ASH1L: variants seen among roughly 807,000 people sequenced by gnomAD.
ASH1L encodes the protein histone-lysine N-methyltransferase ASH1L.
A neutral mutation model predicts 269.0 loss-of-function variants in ASH1L; 23 were observed. The ratio of observed to expected loss-of-function variants is 0.09; its 90% CI spans 0.06 to 0.12. The LOEUF (loss-of-function observed/expected upper bound fraction) is 0.12, where lower values mean the gene tolerates loss of function less well. Among genes scored for constraint, ASH1L ranks in the 10% least tolerant of loss-of-function variants. ASH1L has a pLI of 1.00. For missense variants in ASH1L, 2,912 were observed against 3,567.8 expected, an observed-to-expected ratio of 0.82 and a Z score of 4.68; for synonymous variants, 1,187 against 1,253.5, an observed-to-expected ratio of 0.95 and a Z score of 1.12.
chr1:155,471,609 C>A (rs984644567), intron 3 of ASH1L, among the ~76,000 whole-genome samples: 2 of 152,214 alleles, frequency 1.3e-5, no homozygotes, highest in African/African-American at 2.4e-5. Context: ...GGTCTGTGGA[C>A]CCTTCTTGCA....
intron 5 of ASH1L, among the ~76,000 whole-genome samples, chr1:155,421,421 C>T (rs961423700): frequency 4.1e-5 from 6 of 145,402 alleles, no homozygotes; most frequent in African/African-American, 1.5e-4. Context: ...GCCTGTAATT[C>T]CAGCACTTTG....
chr1:155,481,918 T>C lies in ASH1L; in HGVS notation c.952A>G (p.Asn318Asp). ...CCTGGCTTTTTGCCTAAGTTTTTATTAATGAATACCGCTGTAGTGCCAGTT... is the reference window on the plus strand; with the variant it reads ...CCTGGCTTTTTGCCTAAGTTTTTATCAATGAATACCGCTGTAGTGCCAGTT... Reference protein sequence around the residue: ...LGTGTTAVFINKNLGKKPGTI... With the variant: ...LGTGTTAVFIDKNLGKKPGTI... The change falls in exon 3 of 28, where the codon AAT (asparagine) becomes GAT (aspartate). Residue 318 changes from asparagine to aspartate, a missense_variant. By Grantham distance (23) the Asn-to-Asp change is conservative (BLOSUM62 1). Around this residue, in one of 13 missense-constraint regions of ASH1L, gnomAD observed 277 missense variants for 367.7 expected, o/e 0.75. Transcript: ENST00000392403. The C allele has an allele frequency of 1.9e-6, 3 of 1,614,214 alleles. No homozygotes were observed. The highest frequency in any genetic ancestry group is 2.5e-6 in the Non-Finnish European group (3 of 1,180,038).
intron 6 of ASH1L, among the ~76,000 whole-genome samples, chr1:155,398,498 G>A (rs1039458961): frequency 5.9e-5 from 9 of 152,096 alleles, no homozygotes; most frequent in East Asian, 1.9e-4. Flanking sequence ...GTAAAAATAC[G>A]GTTGTAAAAG....
Position 155,478,824 on chromosome 1 carries a change from T to C in ASH1L, c.4046A>G (p.Lys1349Arg). 3 of 1,614,094 alleles carry C rather than the reference T, an allele frequency of 1.9e-6. No homozygotes were observed. The highest frequency in any genetic ancestry group is 2.5e-6 in the Non-Finnish European group (3 of 1,180,012). ...HYIRKPDLKK[K>R]RGRPPKMREA... ...CCTCATCTTAGGGGGTCTCCCTCTT[T>C]TCTTTTTTAAGTCAGGTTTTCGAAT... The change falls in exon 3 of 28, where the codon AAA (lysine) becomes AGA (arginine). Residue 1349 changes from lysine (K) to arginine (R), a missense_variant. Around this residue, in one of 13 missense-constraint regions of ASH1L, gnomAD observed 789 missense variants for 897.6 expected, o/e 0.88. Coordinates refer to ENST00000392403, the MANE Select transcript of ASH1L (RefSeq NM_018489.3). This position sits in a 1 kb window ranked among gnomAD's most constrained non-coding sequence, Gnocchi z 4.6.
intron 1 of ASH1L, among the ~76,000 whole-genome samples, chr1:155,529,921 G>A (rs946304751): frequency 1.3e-5 from 2 of 150,918 alleles, no homozygotes; most frequent in Non-Finnish European, 1.5e-5. Flanking sequence ...CCGAGATTGC[G>A]CCACTGCACT....
intron 2 of ASH1L, among the ~76,000 whole-genome samples, chr1:155,515,712 C>T (rs1228768339): frequency 1.3e-5 from 2 of 151,612 alleles, no homozygotes; most frequent in African/African-American, 4.9e-5. Flanking sequence ...CCTGTAATCC[C>T]AGCTACTCAG....
intron 4 of ASH1L, among the ~76,000 whole-genome samples, chr1:155,448,966 G>C (rs541826464): frequency 6.6e-6 from 1 of 150,670 alleles, no homozygotes; most frequent in African/African-American, 2.4e-5. Flanking sequence ...ACGGAGTCTC[G>C]CTTTGTTGCC....
Position 155,438,593 on chromosome 1 carries a change from C to A in ASH1L, c.5562G>T (p.Arg1854=). The A allele has an allele frequency of 6.2e-7, 1 of 1,614,154 alleles. No homozygotes were observed. The highest frequency in any genetic ancestry group is 8.5e-7 in the Non-Finnish European group (1 of 1,180,016). The change falls in exon 5 of 28, where the codon CGG becomes CGT. Residue 1854 remains arginine (R), a synonymous_variant. Coordinates refer to ENST00000392403, the MANE Select transcript of ASH1L (RefSeq NM_018489.3). The stretch of plus-strand genomic sequence containing the variant: ...ATACGACAGCCTGAAGGGGACATTT[C>A]CGAGGTCGACCTGGCCTACGTTTCA... The part of the protein sequence containing the change: ...NFVKRRPGRP[R]KCPLQAVVSM...
At chr1:155,498,755 T>A (rs535953752) in intron 2 of ASH1L, among the ~76,000 whole-genome samples, 17 of 152,056 alleles carry the variant, frequency 1.1e-4, no homozygotes, top group African/African-American at 4.1e-4. Flanking sequence ...GGCTAGTTTT[T>A]AAAAATGTTT....
chr1:155,348,055 G>T, intron 19 of ASH1L, 151 bp from the exon 20 acceptor site: 2 of 885,656 alleles, frequency 2.3e-6, no homozygotes, highest in Non-Finnish European at 3.4e-6. Flanking sequence ...CAGATAGTTG[G>T]TAACAACTTA....
At chr1:155,357,119 A>ACACAC (rs1558027201) in intron 15 of ASH1L, among the ~76,000 whole-genome samples, 197 bp downstream of exon 15, 6 of 109,324 alleles carry the variant, frequency 5.5e-5, no homozygotes, top group East Asian at 3.0e-4. Flanking sequence ...ACACACACAC[A>ACACAC]AAAGGGTAAG....
At chr1:155,441,773 T>C (rs1185467061) in intron 4 of ASH1L, among the ~76,000 whole-genome samples, 2 of 150,740 alleles carry the variant, frequency 1.3e-5, no homozygotes, top group Non-Finnish European at 3.0e-5. Context: ...GCCTTTTTTT[T>C]TTTTTTTTTG....
chr1:155,556,698 C>A (rs1340681220), intron 1 of ASH1L, among the ~76,000 whole-genome samples: 1 of 152,056 alleles, frequency 6.6e-6, no homozygotes, highest in East Asian at 1.9e-4. Context: ...ACCTCGGCCT[C>A]CCAAAGTGCT....
chr1:155,459,930 G>C, intron 3 of ASH1L, 32 bp from the exon 4 acceptor site: 1 of 1,512,880 alleles, frequency 6.6e-7, no homozygotes, highest in Non-Finnish European at 8.9e-7. Context: ...GAAATCATAG[G>C]AAAATTCAAC....
intron 1 of ASH1L, among the ~76,000 whole-genome samples, chr1:155,552,343 G>GT (rs1671276718): frequency 6.6e-6 from 1 of 152,156 alleles, no homozygotes; most frequent in African/African-American, 2.4e-5. Flanking sequence ...GCGCATGCCT[G>GT]TAATTCCAGC....
Position 155,481,123 on chromosome 1 carries a change from A to G in ASH1L, c.1747T>C (p.Leu583=). The change falls in exon 3 of 28, where the codon TTA becomes CTA. Residue 583 remains leucine, a synonymous_variant. Coordinates refer to ENST00000392403, the MANE Select transcript of ASH1L (RefSeq NM_018489.3). ...ETSSQLAPNP[L]LLSSTTELIE... is the part of the protein sequence containing the mutation. The stretch of plus-strand genomic sequence containing the variant: ...AGTTCTGTAGTAGAACTTAAAAGTA[A>G]TGGATTAGGAGCCAACTGTGAAGAA... 6.2e-7 allele frequency: 1 copy of G among 1,614,148 alleles called. No homozygotes were observed. Among genetic ancestry groups the G allele is most frequent in the Non-Finnish European group, 8.5e-7 (1 of 1,179,996 alleles).
At chr1:155,394,828 T>C (rs1658216799) in intron 7 of ASH1L, among the ~76,000 whole-genome samples, 1 of 152,202 alleles carries the variant, frequency 6.6e-6, no homozygotes, top group African/African-American at 2.4e-5. Context: ...TATGTGTGTA[T>C]AAATCATCTA....
At chr1:155,462,282 T>C (rs1664361499) in intron 3 of ASH1L, among the ~76,000 whole-genome samples, 1 of 152,210 alleles carries the variant, frequency 6.6e-6, no homozygotes, top group Non-Finnish European at 1.5e-5. Flanking sequence ...ATGCACTACA[T>C]TTTAGGTGGC....
intron 20 of ASH1L, among the ~76,000 whole-genome samples, chr1:155,347,231 T>C (rs1653428644): frequency 6.6e-6 from 1 of 152,114 alleles, no homozygotes; most frequent in South Asian, 2.1e-4. Flanking sequence ...ACACCCCATC[T>C]CTACAAAAAG....
Sources: gnomAD v4.1 joint callset for allele counts (sites outside exome capture counted in the v4.1 genomes callset) on GRCh38, gnomAD v4.1.1 for gene constraint, gnomAD v4.1.1 regional missense constraint, Gnocchi (gnomAD v3.1) non-coding constraint, MANE v1.5 for transcripts, NCBI Gene and HGNC (gene_info 2026-07-23, HGNC 2026-07-21) for gene names.